PLCB1: variants seen among roughly 807,000 people sequenced by gnomAD.
The protein encoded by PLCB1 is phospholipase C beta 1, also known as 1-phosphatidylinositol 4,5-bisphosphate phosphodiesterase beta-1.
A neutral mutation model predicts 161.8 loss-of-function variants in PLCB1; 46 were observed. The observed-to-expected ratio is 0.28, with a 90% CI of 0.22 to 0.36. PLCB1 has a LOEUF of 0.36. Among genes scored for constraint, PLCB1 ranks in the 10% least tolerant of loss-of-function variants. PLCB1 has a pLI of 1.00. For synonymous variants in PLCB1, 517 were observed against 503.7 expected (o/e 1.03, Z -0.35); for missense variants, 1,016 against 1,472.5 (o/e 0.69, Z 5.07).
intron 9 of PLCB1, among the ~76,000 whole-genome samples, chr20:8,660,464 C>T (rs1989592019): frequency 6.6e-6 from 1 of 152,092 alleles, no homozygotes; most frequent in African/African-American, 2.4e-5. Flanking sequence ...TTTCTGAAAC[C>T]AGTGAAGCAC....
chr20:8,790,692 T>G (rs1983713347), intron 31 of PLCB1, among the ~76,000 whole-genome samples: 1 of 152,306 alleles, frequency 6.6e-6, no homozygotes. Context: ...TTGGTTTTTA[T>G]CTAGCAAAAT....
At chr20:8,629,004 A>G (rs768102732) in intron 4 of PLCB1, among the ~76,000 whole-genome samples, 2 of 152,164 alleles carry the variant, frequency 1.3e-5, no homozygotes, top group Non-Finnish European at 2.9e-5. Context: ...AAATACAAAT[A>G]AAACCACATT....
At chr20:8,340,413 G>T (rs926286334) in intron 2 of PLCB1, among the ~76,000 whole-genome samples, 2 of 151,418 alleles carry the variant, frequency 1.3e-5, no homozygotes, top group Non-Finnish European at 2.9e-5. Context: ...TTAAATTCTA[G>T]TTTTTTTTTG....
chr20:8,161,744 T>A (rs1031822830), intron 2 of PLCB1, among the ~76,000 whole-genome samples: 1 of 152,014 alleles, frequency 6.6e-6, no homozygotes, highest in African/African-American at 2.4e-5. Flanking sequence ...CTCCAGAGAA[T>A]CTGACTTAAT....
intron 3 of PLCB1, among the ~76,000 whole-genome samples, chr20:8,469,675 C>A (rs1037327542): frequency 2.0e-5 from 3 of 152,022 alleles, no homozygotes; most frequent in Admixed American, 2.0e-4. Flanking sequence ...AAAAGCTTTC[C>A]ATTTTTTCCA....
At chr20:8,817,143 A>G (rs921860031) in intron 31 of PLCB1, among the ~76,000 whole-genome samples, 3 of 152,252 alleles carry the variant, frequency 2.0e-5, no homozygotes, top group Admixed American at 2.0e-4. Context: ...ATAACAAAAT[A>G]TCAAGAAAAC....
chr20:8,314,552 C>T (rs1984550609), intron 2 of PLCB1, among the ~76,000 whole-genome samples: 1 of 152,208 alleles, frequency 6.6e-6, no homozygotes, highest in African/African-American at 2.4e-5. Flanking sequence ...TAACCTTTGT[C>T]TGCCTCAGTT....
At chr20:8,296,131 T>A (rs1016811979) in intron 2 of PLCB1, among the ~76,000 whole-genome samples, 1 of 152,192 alleles carries the variant, frequency 6.6e-6, no homozygotes, top group African/African-American at 2.4e-5. Context: ...TCAGAACATT[T>A]TTAAAACGAA....
intron 3 of PLCB1, among the ~76,000 whole-genome samples, chr20:8,394,157 C>A (rs756556962): frequency 3.3e-5 from 5 of 152,068 alleles, no homozygotes; most frequent in Non-Finnish European, 5.9e-5. Context: ...GGCATTTAGA[C>A]AAGCCTAATG....
intron 3 of PLCB1, among the ~76,000 whole-genome samples, chr20:8,403,925 ATTTC>A (rs991644083): frequency 6.6e-5 from 10 of 152,288 alleles, no homozygotes; most frequent in Admixed American, 6.5e-4. Context: ...AACTAGGACC[ATTTC>A]TTTCTCATTA....
At chr20:8,282,185 G>GTGTA in intron 2 of PLCB1, among the ~76,000 whole-genome samples, 1 of 152,262 alleles carries the variant, frequency 6.6e-6, no homozygotes, top group Middle Eastern at 3.4e-3. Context: ...GGAAGATGAG[G>GTGTA]TGTATGTCAA....
chr20:8,840,458 A>G (rs1162362113), intron 31 of PLCB1, among the ~76,000 whole-genome samples: 1 of 152,192 alleles, frequency 6.6e-6, no homozygotes, highest in African/African-American at 2.4e-5. Context: ...CACAGTAGCA[A>G]GAACATGGTG....
intron 9 of PLCB1, among the ~76,000 whole-genome samples, chr20:8,681,117 T>TATAA (rs1555782810): frequency 2.8e-4 from 29 of 103,314 alleles, no homozygotes; most frequent in Non-Finnish European, 4.3e-4. Flanking sequence ...TATATATATA[T>TATAA]ATAATATATA....
At chr20:8,461,301 A>G (rs1771785494) in intron 3 of PLCB1, among the ~76,000 whole-genome samples, 1 of 152,184 alleles carries the variant, frequency 6.6e-6, no homozygotes, top group Non-Finnish European at 1.5e-5. Context: ...GGGCAGACTC[A>G]TAGAACTGTC....
At chr20:8,788,203 A>C (rs1377723196) in intron 27 of PLCB1, among the ~76,000 whole-genome samples, 6 of 152,194 alleles carry the variant, frequency 3.9e-5, no homozygotes, top group African/African-American at 1.4e-4. Context: ...CTGCCACAAC[A>C]ATCTAATGAA....
intron 3 of PLCB1, among the ~76,000 whole-genome samples, chr20:8,467,167 C>G (rs2122704648): frequency 6.6e-6 from 1 of 152,278 alleles, no homozygotes; most frequent in South Asian, 2.1e-4. Flanking sequence ...TCTCAAACTC[C>G]TGGCCTCAAG....
At chr20:8,635,722 G>A (rs1988743912) in intron 4 of PLCB1, among the ~76,000 whole-genome samples, 2 of 152,150 alleles carry the variant, frequency 1.3e-5, no homozygotes, top group South Asian at 4.1e-4. Context: ...ACGGAGAGGG[G>A]AATTTCTTTT....
chr20:8,153,350 T>A (rs1238121765), intron 2 of PLCB1, among the ~76,000 whole-genome samples: 2 of 152,184 alleles, frequency 1.3e-5, no homozygotes, highest in Admixed American at 6.5e-5. Context: ...TATGACTATT[T>A]TAAGCAGAGT....
chr20:8,445,454 G>A (rs561254199), intron 3 of PLCB1, among the ~76,000 whole-genome samples: 2,640 of 151,982 alleles, frequency 0.017, 77 homozygotes, highest in African/African-American at 0.061. Flanking sequence ...CTGTAGCCTT[G>A]TAGTATAGTT....
Sources: gnomAD v4.1 joint callset for allele counts (sites outside exome capture counted in the v4.1 genomes callset) on GRCh38, gnomAD v4.1.1 for gene constraint, MANE v1.5 for transcripts, NCBI Gene and HGNC (gene_info 2026-07-23, HGNC 2026-07-21) for gene names.